Variants in IL1RN observed in about 807,000 individuals in gnomAD.
The protein encoded by IL1RN is interleukin 1 receptor antagonist.
In IL1RN, 10 loss-of-function variants were observed where a neutral mutation model predicts 13.7. That is an observed-to-expected ratio of 0.73 (90% CI 0.45 to 1.24). The LOEUF (loss-of-function observed/expected upper bound fraction) is 1.24, where lower values mean the gene tolerates loss of function less well. Among genes scored for constraint, IL1RN ranks in the 50% most tolerant of loss-of-function variants. The pLI is 0.00. For missense variants in IL1RN, 213 were observed against 222.1 expected, an observed-to-expected ratio of 0.96 and a Z score of 0.26; for synonymous variants, 102 against 82.7, an observed-to-expected ratio of 1.23 and a Z score of -1.27.
chr2:113,131,139 G>C lies in IL1RN; in HGVS notation c.300G>C (p.Glu100Asp). 1 of 1,605,904 alleles carries C rather than the reference G, an allele frequency of 6.2e-7. No individual in the cohort carries two copies. The highest frequency in any genetic ancestry group is 8.5e-7 in the Non-Finnish European group (1 of 1,172,498). Residue 100 changes from glutamate (E) to aspartate (D), a missense_variant, in exon 3 of 4, where the codon GAG becomes GAC. Glu to Asp is a conservative substitution (Grantham distance 45). Transcript: ENST00000409930. ...MCLSCVKSGD[E>D]TRLQLEAVNI... ...TGTCCTGTGTCAAGTCTGGTGATGAGACCAGACTCCAGCTGGAGGTAAAAA... is the reference window on the plus strand; with the variant it reads ...TGTCCTGTGTCAAGTCTGGTGATGACACCAGACTCCAGCTGGAGGTAAAAA...
At chr2:113,101,930 G>A in the IL1RN span, among the ~76,000 whole-genome samples, 6 of 152,072 alleles carry the variant, frequency 3.9e-5, no homozygotes, top group Non-Finnish European at 8.8e-5. Flanking sequence ...ATCACACCCG[G>A]CTAATTTTGT....
At chr2:113,119,805 C>A (rs555716220) in intron 1 of IL1RN, among the ~76,000 whole-genome samples, 16 of 152,040 alleles carry the variant, frequency 1.1e-4, no homozygotes, top group African/African-American at 3.9e-4. Flanking sequence ...CACCATGTTC[C>A]CTGGGTAGAG....
chr2:113,108,650 G>T (rs1239558384), upstream of IL1RN, among the ~76,000 whole-genome samples: 1 of 152,082 alleles, frequency 6.6e-6, no homozygotes, highest in African/African-American at 2.4e-5. Flanking sequence ...AGGCCCAAGG[G>T]AATAATAGGA....
intron 2 of IL1RN, 109 bp from the exon 3 acceptor site, chr2:113,130,936 G>T: frequency 1.3e-6 from 1 of 757,550 alleles, no homozygotes; most frequent in East Asian, 2.5e-5. Flanking sequence ...TTCTGACCTC[G>T]GGATTTTAGT....
At chr2:113,128,589 G>A (rs996756189) in intron 1 of IL1RN, among the ~76,000 whole-genome samples, 6 of 152,116 alleles carry the variant, frequency 3.9e-5, no homozygotes, top group African/African-American at 1.4e-4. Context: ...TCCTCCTGGA[G>A]GCCCCAGCAG....
At chr2:113,109,728 A>C (rs768883852), upstream of IL1RN, among the ~76,000 whole-genome samples, 3 of 151,990 alleles carry the variant, frequency 2.0e-5, no homozygotes, top group Non-Finnish European at 4.4e-5. Flanking sequence ...CTTAATTCTC[A>C]ACAAATGTAT....
chr2:113,100,732 T>C, the IL1RN span, among the ~76,000 whole-genome samples: 1 of 152,180 alleles, frequency 6.6e-6, no homozygotes, highest in East Asian at 1.9e-4. Flanking sequence ...CACCACATAT[T>C]CATGCTCCTT....
At chr2:113,103,830 AT>A (rs1686349048), upstream of IL1RN, among the ~76,000 whole-genome samples, 2 of 152,182 alleles carry the variant, frequency 1.3e-5, no homozygotes, top group South Asian at 4.1e-4. Context: ...TATGAATATT[AT>A]TGGGGAACTG....
upstream of IL1RN, among the ~76,000 whole-genome samples, chr2:113,124,383 G>C (rs192999674): frequency 6.6e-6 from 1 of 152,112 alleles, no homozygotes; most frequent in Non-Finnish European, 1.5e-5. Flanking sequence ...GTGAGGAAGA[G>C]GGAGAGAGCT....
chr2:113,099,723 CTTTT>C, the IL1RN span, among the ~76,000 whole-genome samples: 24 of 72,160 alleles, frequency 3.3e-4, no homozygotes, highest in Non-Finnish European at 6.2e-4. Context: ...CCTCTTCTTT[CTTTT>C]CTTTTTTTTT....
upstream of IL1RN, among the ~76,000 whole-genome samples, chr2:113,108,939 A>T (rs939778402): frequency 2.0e-5 from 3 of 152,182 alleles, no homozygotes; most frequent in African/African-American, 7.2e-5. Flanking sequence ...TATTAATTTT[A>T]GACCCTGAGA....
chr2:113,118,966 G>A (rs1295520964), intron 1 of IL1RN, among the ~76,000 whole-genome samples: 1 of 152,150 alleles, frequency 6.6e-6, no homozygotes, highest in Non-Finnish European at 1.5e-5. Context: ...GAACCCGGGA[G>A]GTAGAGGTTG....
chr2:113,129,038 G>A (rs1157956446), intron 1 of IL1RN, among the ~76,000 whole-genome samples: 2 of 152,214 alleles, frequency 1.3e-5, no homozygotes, highest in Non-Finnish European at 2.9e-5. Flanking sequence ...CGAGTTAGCT[G>A]CAAGGTGTTC....
In IL1RN at chr2:113,133,233, G is replaced by A. The variant is rs1275416265; in HGVS notation, c.*362G>A. On this transcript the variant is annotated 3_prime_UTR_variant, in exon 4 of 4. Transcript: ENST00000409930. ...ACCTTCCCATGCCCTGGATCCATCA[G>A]GCCACTTGATGACCCCCAACCAAGT... The A allele has an allele frequency of 1.1e-5, 4 of 370,122 alleles. No homozygotes were observed. Among genetic ancestry groups the A allele is most frequent in the East Asian group, 6.4e-5 (1 of 15,560 alleles). 22.9% of individuals were successfully genotyped at this position (370,122 alleles called of 1,614,324 possible).
chr2:113,099,464 T>G, the IL1RN span, among the ~76,000 whole-genome samples: 1 of 152,198 alleles, frequency 6.6e-6, no homozygotes, highest in Non-Finnish European at 1.5e-5. Context: ...GGCTGAGAAC[T>G]TGCTCCAGGC....
At chr2:113,126,806 C>T (rs763767391), upstream of IL1RN, among the ~76,000 whole-genome samples, 1 of 152,126 alleles carries the variant, frequency 6.6e-6, no homozygotes, top group South Asian at 2.1e-4. Context: ...ACACGGGTGG[C>T]ACAAGGCAAG....
upstream of IL1RN, among the ~76,000 whole-genome samples, chr2:113,114,607 G>T (rs1230757198): frequency 6.6e-6 from 1 of 152,074 alleles, no homozygotes; most frequent in African/African-American, 2.4e-5. Context: ...GTTATGATCA[G>T]GTGTCTCATT....
At chr2:113,113,011 T>C (rs575876138), upstream of IL1RN, 2 of 152,298 alleles carry the variant, frequency 1.3e-5, no homozygotes, top group East Asian at 1.9e-4. Flanking sequence ...ACAAGAGGAA[T>C]AGGAACTGCA....
chr2:113,110,689 T>G (rs1315114678), upstream of IL1RN, among the ~76,000 whole-genome samples: 1 of 152,232 alleles, frequency 6.6e-6, no homozygotes, highest in South Asian at 2.1e-4. Flanking sequence ...CTTTGAACCT[T>G]TGACTTGTCA....
Sources: gnomAD v4.1 joint callset for allele counts (sites outside exome capture counted in the v4.1 genomes callset) on GRCh38, gnomAD v4.1.1 for gene constraint, MANE v1.5 for transcripts, NCBI Gene and HGNC (gene_info 2026-07-23, HGNC 2026-07-21) for gene names.